The following SMOC2 variants were observed in gnomAD, a reference collection of about 807,000 sequenced individuals.
The protein encoded by SMOC2 is SPARC-related modular calcium-binding protein 2.
Under a neutral mutation model 61.4 loss-of-function variants are expected in SMOC2, and 39 were observed. The ratio of observed to expected loss-of-function variants is 0.64; its 90% confidence interval spans 0.49 to 0.83. The LOEUF (loss-of-function observed/expected upper bound fraction) is 0.83. SMOC2 is among the 40% of genes least tolerant of loss of function. The pLI is 0.00. For synonymous variants in SMOC2, 247 were observed against 239.9 expected (o/e 1.03, Z -0.27); for missense variants, 556 against 592.9 (o/e 0.94, Z 0.65).
intron 9 of SMOC2, among the ~76,000 whole-genome samples, chr6:168,618,454 T>TAAG (rs1398731254): frequency 8.0e-6 from 1 of 125,232 alleles, no homozygotes; most frequent in Admixed American, 7.7e-5. Context: ...GTAGTGGCAT[T>TAAG]AGGAGAGTGG....
At chr6:168,480,292 C>G (rs1005637855) in intron 1 of SMOC2, among the ~76,000 whole-genome samples, 1 of 151,998 alleles carries the variant, frequency 6.6e-6, no homozygotes, top group Non-Finnish European at 1.5e-5. Flanking sequence ...TGAAAAAGAC[C>G]TGATAGCAGA....
Position 168,441,313 on chromosome 6 carries a change from G to C in SMOC2, c.-58G>C. 6.8e-7 allele frequency: 1 copy of C among 1,475,640 alleles called. No individual in the cohort carries two copies. The highest frequency in any genetic ancestry group is 8.9e-7 in the Non-Finnish European group (1 of 1,120,544). 91.4% of individuals were successfully genotyped at this position (1,475,640 alleles called of 1,614,324 possible). Reference sequence around the variant, plus strand: ...CGCGCTCGCCCACTGGGCTCTCCCGGCTGCAGTGCCAGGGCGCAGGACGCG... The same window carrying C: ...CGCGCTCGCCCACTGGGCTCTCCCGCCTGCAGTGCCAGGGCGCAGGACGCG... On this transcript the variant is annotated 5_prime_UTR_variant, in exon 1 of 13. Coordinates refer to ENST00000356284, the MANE Select transcript of SMOC2 (RefSeq NM_001166412.2).
At chr6:168,663,130 C>T (rs1435401200) in intron 11 of SMOC2, among the ~76,000 whole-genome samples, 1 of 1,048 alleles carries the variant, frequency 9.5e-4, no homozygotes, top group Non-Finnish European at 4.8e-3. Flanking sequence ...TGAGGCCAAC[C>T]TGAGCCCACC....
chr6:168,450,600 A>G (rs1365682854), intron 1 of SMOC2, among the ~76,000 whole-genome samples: 2 of 152,086 alleles, frequency 1.3e-5, no homozygotes, highest in African/African-American at 4.8e-5. Context: ...TGAGATATTC[A>G]TGTTGAAGTG....
Position 168,612,994 on chromosome 6 carries a change from A to G in SMOC2, c.907+4755A>G, listed in dbSNP as rs554159749. On this transcript the variant is annotated intron_variant, in intron 9 of 12. Coordinates refer to ENST00000356284, the MANE Select transcript of SMOC2 (RefSeq NM_001166412.2). ...TCCTCTCACCTTTCCTGATCATGCA[A>G]TTGTGTCTTTCACTCTCGGATACGG... Among the ~76,000 whole-genome samples the G allele has an allele frequency of 2.6e-5, 4 of 152,226 alleles. No homozygotes were observed. In the South Asian group the frequency reaches 8.3e-4, roughly 32 times the overall value.
chr6:168,615,827 A>T (rs1562384748), intron 9 of SMOC2, among the ~76,000 whole-genome samples: 1 of 152,160 alleles, frequency 6.6e-6, no homozygotes, highest in Non-Finnish European at 1.5e-5. Context: ...ATCGTCTTTG[A>T]CTCATGTAGA....
At chr6:168,627,954 C>G (rs374524386) in intron 9 of SMOC2, among the ~76,000 whole-genome samples, 5 of 152,156 alleles carry the variant, frequency 3.3e-5, no homozygotes, top group East Asian at 1.9e-4. Context: ...ACTGCAGGCT[C>G]CCACGGAGAA....
At chr6:168,463,138 G>T (rs1781752857) in intron 1 of SMOC2, among the ~76,000 whole-genome samples, 1 of 152,194 alleles carries the variant, frequency 6.6e-6, no homozygotes, top group Admixed American at 6.5e-5. Flanking sequence ...CCCACTGGGG[G>T]CTCAGGCTCA....
intron 4 of SMOC2, among the ~76,000 whole-genome samples, chr6:168,532,218 C>A (rs1783622056): frequency 6.6e-6 from 1 of 152,202 alleles, no homozygotes; most frequent in Middle Eastern, 3.4e-3. Context: ...CCTGTGGGGT[C>A]TGTAGATGGC....
In SMOC2 at chr6:168,527,709, A is replaced by G. The variant is rs1562329437; in HGVS notation, c.445A>G (p.Lys149Glu). 1 of 1,551,434 alleles carries G rather than the reference A, an allele frequency of 6.4e-7. No homozygotes were observed. Among genetic ancestry groups the G allele is most frequent in the Non-Finnish European group, 8.7e-7 (1 of 1,147,004 alleles). Residue 149 changes from lysine (K) to glutamate (E), a missense_variant, in exon 4 of 13, where the codon AAG (lysine) becomes GAG (glutamate). Lys to Glu is a moderately conservative substitution (Grantham distance 56). Coordinates refer to ENST00000356284, the MANE Select transcript of SMOC2 (RefSeq NM_001166412.2). The stretch of plus-strand genomic sequence containing the variant: ...CATCAGCGGCACTGCCGTGGCCCAC[A>G]AGACGCCCCGGTGCCCGGGTAGGTC... ...RPISGTAVAH[K>E]TPRCPGSVNE... is the part of the protein sequence containing the mutation.
At chr6:168,638,621 C>T (rs1786807940) in intron 9 of SMOC2, among the ~76,000 whole-genome samples, 1 of 152,260 alleles carries the variant, frequency 6.6e-6, no homozygotes, top group Non-Finnish European at 1.5e-5. Flanking sequence ...GAAGGCCCAT[C>T]AGGAGGGACA....
chr6:168,560,302 C>T (rs533667028), intron 7 of SMOC2, among the ~76,000 whole-genome samples: 1 of 152,310 alleles, frequency 6.6e-6, no homozygotes, highest in South Asian at 2.1e-4. Context: ...GATGAAAGGG[C>T]AAACGAAGAA....
chr6:168,523,395 C>CT (rs200642543), intron 2 of SMOC2, among the ~76,000 whole-genome samples: 27,645 of 140,416 alleles, frequency 0.2, 2,784 homozygotes, highest in Admixed American at 0.26. Context: ...GCCAGTAATT[C>CT]TTTTTTTTTT....
chr6:168,512,909 A>C (rs1783042353), intron 2 of SMOC2, among the ~76,000 whole-genome samples: 1 of 152,242 alleles, frequency 6.6e-6, no homozygotes, highest in African/African-American at 2.4e-5. Flanking sequence ...AATAGAAAAC[A>C]ACAACACTTG....
At chr6:168,607,511 T>A (rs1785729706) in intron 8 of SMOC2, among the ~76,000 whole-genome samples, 1 of 152,062 alleles carries the variant, frequency 6.6e-6, no homozygotes, top group Non-Finnish European at 1.5e-5. Context: ...GCACCTGCCC[T>A]CTTGGATGTC....
At chr6:168,650,607 C>A in intron 9 of SMOC2, 74 bp from the exon 10 acceptor site, 3 of 1,400,840 alleles carry the variant, frequency 2.1e-6, no homozygotes, top group Non-Finnish European at 3.0e-6. Flanking sequence ...AGTAAAACAA[C>A]ATTTCCCTGT....
intron 1 of SMOC2, among the ~76,000 whole-genome samples, chr6:168,493,863 T>C (rs1210583225): frequency 6.6e-6 from 1 of 152,236 alleles, no homozygotes; most frequent in African/African-American, 2.4e-5. Context: ...ACTGTCTTTA[T>C]CTTTTCTATT....
At chr6:168,474,677 G>A (rs181480305) in intron 1 of SMOC2, among the ~76,000 whole-genome samples, 75 of 152,192 alleles carry the variant, frequency 4.9e-4, no homozygotes, top group African/African-American at 1.6e-3. Flanking sequence ...GCACAGCTGC[G>A]CAGGCTGTGC....
At chr6:168,543,301 A>G (rs9456175) in intron 4 of SMOC2, among the ~76,000 whole-genome samples, 3,468 of 152,342 alleles carry the variant, frequency 0.023, 137 homozygotes, top group African/African-American at 0.079. Context: ...TCACTTCAGT[A>G]CCCCAACATG....
Sources: allele counts gnomAD v4.1 joint callset (sites outside exome capture counted in the v4.1 genomes callset), GRCh38; gene constraint gnomAD v4.1.1; transcripts MANE v1.5; gene names NCBI Gene and HGNC (gene_info 2026-07-23, HGNC 2026-07-21).